The following FOXK1 variants were observed in gnomAD, a reference collection of about 807,000 sequenced individuals.
FOXK1 encodes forkhead box K1.
In FOXK1, 19 loss-of-function variants were observed where a neutral mutation model predicts 51.9. That is an observed-to-expected ratio of 0.37 (90% CI 0.26 to 0.54). The LOEUF (loss-of-function observed/expected upper bound fraction) is 0.54. Among genes scored for constraint, FOXK1 ranks in the 20% least tolerant of loss-of-function variants. FOXK1 has a pLI of 0.87. For synonymous variants in FOXK1, 537 were observed against 482.6 expected (o/e 1.11, Z -1.48); for missense variants, 870 against 1,032.7 (o/e 0.84, Z 2.16).
chr7:4,752,785 C>G (rs1449804308), intron 2 of FOXK1, among the ~76,000 whole-genome samples: 1 of 152,200 alleles, frequency 6.6e-6, no homozygotes, highest in African/African-American at 2.4e-5. Context: ...CAGGCGTGTG[C>G]TGGCCCCATT....
At position 4,688,263 on chromosome 7, in the gene FOXK1, TC is replaced by T. The variant is rs1779845247; in HGVS notation, c.560+5396del. Among the ~76,000 whole-genome samples, 4 of 126,986 alleles carry T rather than the reference TC, an allele frequency of 3.1e-5. 1 individual carries two copies. The highest frequency in any genetic ancestry group is 2.9e-4 in the Admixed American group (4 of 13,686). 83.3% of individuals were successfully genotyped at this position (126,986 alleles called of 152,430 possible). Reference sequence around the variant, plus strand: ...ACCAAAATTTCTAGAAGATAAGAATTCTTAAAAAAAAAAAAAAAACCACAGT... The same window carrying T: ...ACCAAAATTTCTAGAAGATAAGAATTTTAAAAAAAAAAAAAAAACCACAGT... On this transcript the variant is annotated intron_variant, in intron 1 of 8. Coordinates refer to ENST00000328914, the MANE Select transcript of FOXK1 (RefSeq NM_001037165.2).
rs531929514 is a variant in FOXK1 at position 4,759,345 on chromosome 7, C to T, written c.1446C>T (p.Ala482=). 165 of 1,601,672 alleles carry T rather than the reference C, an allele frequency of 1.0e-4. 1 individual carries two copies. The South Asian group carries it at 1.7e-3, about 17-fold the overall frequency. The change falls in exon 7 of 9, where the codon GCC becomes GCT. Residue 482 remains alanine, a synonymous_variant. Transcript: ENST00000328914. ...TCAGCGCCCAGCCAGTGATCATGGC[C>T]GTGCCTCCCCGACCGTCCAGCCTCG... The part of the protein sequence containing the change: ...SPVSAQPVIM[A]VPPRPSSLVA...
chr7:4,725,817 G>A (rs959847613), intron 1 of FOXK1, among the ~76,000 whole-genome samples: 2 of 152,238 alleles, frequency 1.3e-5, no homozygotes, highest in African/African-American at 2.4e-5. Context: ...CAAGGTGCCT[G>A]CACTCAGAGG....
intron 1 of FOXK1, among the ~76,000 whole-genome samples, chr7:4,700,381 A>G (rs985043578): frequency 1.3e-5 from 2 of 152,244 alleles, no homozygotes; most frequent in Non-Finnish European, 2.9e-5. Context: ...CTTAGCTTCT[A>G]AAGGTCTGGC....
At chr7:4,751,007 C>T (rs1780768019) in intron 2 of FOXK1, among the ~76,000 whole-genome samples, 1 of 131,660 alleles carries the variant, frequency 7.6e-6, no homozygotes, top group Non-Finnish European at 1.6e-5. Context: ...GCCTGGCCTT[C>T]AGCACTTTTT....
chr7:4,708,321 G>A (rs796698928), intron 1 of FOXK1, among the ~76,000 whole-genome samples: 3 of 152,202 alleles, frequency 2.0e-5, no homozygotes, highest in Admixed American at 1.3e-4. Flanking sequence ...GACCCCAGCC[G>A]CCCTTAGGAA....
Position 4,709,896 on chromosome 7 carries a change from C to T in FOXK1, c.560+27028C>T, listed in dbSNP as rs10259435. On this transcript the variant is annotated intron_variant, in intron 1 of 8. Coordinates refer to ENST00000328914, the MANE Select transcript of FOXK1 (RefSeq NM_001037165.2). The surrounding 1 kb of genome is among the most constrained non-coding windows in gnomAD (Gnocchi z 5.6). ...TCGAATGAGTTCACTTAGAACAACG[C>T]GTGACACGTTTGAACACGGAAGAAC... 0.09 allele frequency among the ~76,000 whole-genome samples: 13,711 copies of T among 152,188 alleles called. 944 individuals carry two copies. The highest frequency in any genetic ancestry group is 0.2 in the African/African-American group (8,370 of 41,504).
chr7:4,706,636 CA>C (rs527904470), intron 1 of FOXK1, among the ~76,000 whole-genome samples: 24 of 152,206 alleles, frequency 1.6e-4, no homozygotes, highest in Admixed American at 6.5e-4. Flanking sequence ...CAACAGTCAC[CA>C]AAAAGCAAAA....
Position 4,682,939 on chromosome 7 carries a change from C to G in FOXK1, c.560+71C>G. On this transcript the variant is annotated intron_variant, in intron 1 of 8. Transcript: ENST00000328914. This position sits in a 1 kb window ranked among gnomAD's most constrained non-coding sequence, Gnocchi z 7.6. ...ACGACCTCGATCTCTGAGGCCCGGG[C>G]CTGGGGATCCCCCTCCAGCTTCCTC... The G allele has an allele frequency of 5.2e-6, 7 of 1,352,216 alleles. No homozygotes were observed. Among genetic ancestry groups the G allele is most frequent in the Non-Finnish European group, 6.8e-6 (7 of 1,035,334 alleles). The allele number at this position is 1,352,216 out of a possible 1,614,324, so 83.8% of individuals were successfully genotyped here.
chr7:4,748,262 C>T lies in FOXK1; in HGVS notation c.747-6197C>T, dbSNP rs1231575460. 6.6e-6 allele frequency among the ~76,000 whole-genome samples: 1 copy of T among 152,184 alleles called. No individual in the cohort carries two copies. The highest frequency in any genetic ancestry group is 1.9e-4 in the East Asian group (1 of 5,200). ...TCTGTGTCTCTGAGTCGTATTCGTA[C>T]GTGACTGTCTCTTGGTTTTTCCGTT... is the stretch of plus-strand genomic sequence containing the variant. On this transcript the variant is annotated intron_variant, in intron 2 of 8. Coordinates refer to ENST00000328914, the MANE Select transcript of FOXK1 (RefSeq NM_001037165.2). This position sits in a 1 kb window ranked among gnomAD's most constrained non-coding sequence, Gnocchi z 4.9.
At position 4,734,647 on chromosome 7, in the gene FOXK1, G is replaced by A. The variant is rs1239204262; in HGVS notation, c.561-6191G>A. On this transcript the variant is annotated intron_variant, in intron 1 of 8. Transcript: ENST00000328914. The surrounding 1 kb of genome is among the most constrained non-coding windows in gnomAD (Gnocchi z 5.2). ...TTCATGGGGGGCTCAGGAAGGCTGG[G>A]TCTCAGGCTTTTCTCCTGCGCCATT... Among the ~76,000 whole-genome samples, 1 of 152,212 alleles carries A rather than the reference G, an allele frequency of 6.6e-6. No individual in the cohort carries two copies. The highest frequency in any genetic ancestry group is 1.9e-4 in the East Asian group (1 of 5,184).
Position 4,731,422 on chromosome 7 carries a change from C to G in FOXK1, c.561-9416C>G, listed in dbSNP as rs1039825145. Among the ~76,000 whole-genome samples, 1 of 152,208 alleles carries G rather than the reference C, an allele frequency of 6.6e-6. No individual in the cohort carries two copies. Among genetic ancestry groups the G allele is most frequent in the African/African-American group, 2.4e-5 (1 of 41,464 alleles). On this transcript the variant is annotated intron_variant, in intron 1 of 8. Coordinates refer to ENST00000328914, the MANE Select transcript of FOXK1 (RefSeq NM_001037165.2). The surrounding 1 kb of genome is among the most constrained non-coding windows in gnomAD (Gnocchi z 5.3). ...TTTTGCCTCCCATTCTTGAGTCTTT[C>G]ATTTCTTCAAGGACATGGTAGCAAC...
Position 4,762,240 on chromosome 7 carries a change from G to A in FOXK1, c.1978G>A (p.Val660Met). The change falls in exon 9 of 9, where the codon GTG (valine) becomes ATG (methionine). Residue 660 changes from valine to methionine, a missense_variant. Val to Met is a conservative substitution (Grantham distance 21). Around this residue, in one of 3 missense-constraint regions of FOXK1, gnomAD observed 457 missense variants for 510.8 expected, o/e 0.89. Transcript: ENST00000328914. This position sits in a 1 kb window ranked among gnomAD's most constrained non-coding sequence, Gnocchi z 5.7. The stretch of plus-strand genomic sequence containing the variant: ...CCAAGCGAGTTCATCCGCGCCGGTG[G>A]TGGTCACCCGGGTGTGCGAGGTGGG... Reference protein sequence around the residue: ...ATQASSSAPVVVTRVCEVGPK... With the variant: ...ATQASSSAPVMVTRVCEVGPK... The A allele has an allele frequency of 6.4e-7, 1 of 1,553,388 alleles. No individual in the cohort carries two copies. The highest frequency in any genetic ancestry group is 8.7e-7 in the Non-Finnish European group (1 of 1,147,950).
intron 2 of FOXK1, among the ~76,000 whole-genome samples, chr7:4,750,262 C>T (rs1780757791): frequency 6.6e-6 from 1 of 152,094 alleles, no homozygotes; most frequent in African/African-American, 2.4e-5. Context: ...CACACCTGGG[C>T]AGCTAGGGAC....
intron 1 of FOXK1, among the ~76,000 whole-genome samples, chr7:4,717,426 G>A (rs1486332932): frequency 3.8e-4 from 49 of 130,038 alleles, no homozygotes; most frequent in Admixed American, 6.0e-4. Context: ...ATGGAAGGTG[G>A]TGGTGGGAGG....
chr7:4,715,663 C>G lies in FOXK1; in HGVS notation c.561-25175C>G, dbSNP rs1780224452. ...CCATCCCTTTTGTTCCCTGCTGTGACTGACTGGCAGGAACCTGGGCTTGTC... is the reference window on the plus strand; with the variant it reads ...CCATCCCTTTTGTTCCCTGCTGTGAGTGACTGGCAGGAACCTGGGCTTGTC... On this transcript the variant is annotated intron_variant, in intron 1 of 8. Coordinates refer to ENST00000328914, the MANE Select transcript of FOXK1 (RefSeq NM_001037165.2). This position sits in a 1 kb window ranked among gnomAD's most constrained non-coding sequence, Gnocchi z 4.5. 6.6e-6 allele frequency among the ~76,000 whole-genome samples: 1 copy of G among 152,222 alleles called. No individual in the cohort carries two copies. The highest frequency in any genetic ancestry group is 1.5e-5 in the Non-Finnish European group (1 of 68,044).
chr7:4,704,311 C>T (rs538247739), intron 1 of FOXK1, among the ~76,000 whole-genome samples: 200 of 151,780 alleles, frequency 1.3e-3, no homozygotes, highest in African/African-American at 4.8e-3. Context: ...ATTAGTCGGG[C>T]GTAGTGGGGC....
chr7:4,739,231 TG>T (rs1188725696), intron 1 of FOXK1, among the ~76,000 whole-genome samples: 2 of 152,210 alleles, frequency 1.3e-5, no homozygotes, highest in African/African-American at 4.8e-5. Flanking sequence ...TTGAGTACTT[TG>T]CCCGTCCTGA....
At position 4,686,995 on chromosome 7, in the gene FOXK1, C is replaced by T. The variant is rs149659172; in HGVS notation, c.560+4127C>T. On this transcript the variant is annotated intron_variant, in intron 1 of 8. Transcript: ENST00000328914. ...TCACCGAGGCTGGAGTGCAGTGGCG[C>T]GAACTTGGCTCACCGCAAGCTCCGC... Among the ~76,000 whole-genome samples, 192 of 149,768 alleles carry T rather than the reference C, an allele frequency of 1.3e-3. 1 individual carries two copies. Among genetic ancestry groups the T allele is most frequent in the African/African-American group, 4.5e-3 (183 of 40,340 alleles).
Sources: gnomAD v4.1 joint callset for allele counts (sites outside exome capture counted in the v4.1 genomes callset) on GRCh38, gnomAD v4.1.1 for gene constraint, gnomAD v4.1.1 regional missense constraint, Gnocchi (gnomAD v3.1) non-coding constraint, MANE v1.5 for transcripts, NCBI Gene and HGNC (gene_info 2026-07-23, HGNC 2026-07-21) for gene names.